The following DPP8 variants were observed in gnomAD, a reference collection of about 807,000 sequenced individuals.
The protein encoded by DPP8 is DPP VIII.
Under a neutral mutation model 107.5 loss-of-function variants are expected in DPP8, and 31 were observed. The observed-to-expected ratio is 0.29, with a 90% CI of 0.22 to 0.39. The LOEUF is 0.39. DPP8 is among the 10% of genes least tolerant of loss of function. The pLI is 1.00. For missense variants in DPP8, 842 were observed against 1,076.1 expected, an observed-to-expected ratio of 0.78 and a Z score of 3.04; for synonymous variants, 381 against 356.6, an observed-to-expected ratio of 1.07 and a Z score of -0.77.
intron 4 of DPP8, among the ~76,000 whole-genome samples, chr15:65,499,006 C>T (rs2068884490): frequency 6.6e-6 from 1 of 151,174 alleles, no homozygotes; most frequent in South Asian, 2.1e-4. Flanking sequence ...TGCAGTGAGC[C>T]ATGATCTTGC....
rs2063479932 is a variant in DPP8, at chr15:65,445,866, G to A, written c.*1018C>T. 6.6e-6 allele frequency: 1 copy of A among 151,624 alleles called. No individual in the cohort carries two copies. Among genetic ancestry groups the A allele is most frequent in the Non-Finnish European group, 1.5e-5 (1 of 67,918 alleles). 9.4% of individuals were successfully genotyped at this position (151,624 alleles called of 1,614,324 possible). Reference sequence around the variant, plus strand: ...TCCAAACATTTTCATGAGTATTTTTGTTAAAACTACTTCTGCTTAGTTTTT... The same window carrying A: ...TCCAAACATTTTCATGAGTATTTTTATTAAAACTACTTCTGCTTAGTTTTT... On this transcript the variant is annotated 3_prime_UTR_variant, in exon 20 of 20. Coordinates refer to ENST00000300141, the MANE Select transcript of DPP8 (RefSeq NM_130434.5).
chr15:65,495,432 C>T (rs1255824004), intron 5 of DPP8, among the ~76,000 whole-genome samples: 1 of 151,826 alleles, frequency 6.6e-6, no homozygotes, highest in Non-Finnish European at 1.5e-5. Context: ...GGTGAAACCC[C>T]GTCCCTACTA....
chr15:65,485,164 T>C lies in DPP8; in HGVS notation c.956-4A>G. ...GTGACTTTAGGATTTGCTGTACCTT[T>C]AGAAAGAGACATAAATGATAGTAAT... is the stretch of plus-strand genomic sequence containing the variant. On this transcript the variant is annotated splice_region_variant and splice_polypyrimidine_tract_variant and intron_variant, in intron 7 of 19. Coordinates refer to ENST00000300141, the MANE Select transcript of DPP8 (RefSeq NM_130434.5). The C allele has an allele frequency of 6.3e-7, 1 of 1,589,868 alleles. No homozygotes were observed. Among genetic ancestry groups the C allele is most frequent in the Non-Finnish European group, 8.6e-7 (1 of 1,158,316 alleles).
chr15:65,515,460 A>G (rs990093070), intron 1 of DPP8, among the ~76,000 whole-genome samples: 1 of 152,204 alleles, frequency 6.6e-6, no homozygotes, highest in African/African-American at 2.4e-5. Flanking sequence ...CTGATATTAT[A>G]TAATATTGGT....
chr15:65,503,915 G>A (rs545756947), intron 3 of DPP8, among the ~76,000 whole-genome samples: 20 of 152,072 alleles, frequency 1.3e-4, no homozygotes, highest in Non-Finnish European at 2.6e-4. Context: ...ATAAGCGACC[G>A]CACCTGGCCT....
intron 7 of DPP8, 141 bp from the exon 8 acceptor site, chr15:65,485,301 T>A: frequency 1.6e-6 from 1 of 613,086 alleles, no homozygotes; most frequent in Non-Finnish European, 2.9e-6. Context: ...CCCAGCACTT[T>A]GGCAGGTTGA....
chr15:65,494,831 C>A (rs1363963341), intron 5 of DPP8, among the ~76,000 whole-genome samples: 2 of 152,042 alleles, frequency 1.3e-5, no homozygotes, highest in African/African-American at 4.8e-5. Context: ...TACTCCATCC[C>A]CTTTTCTCTA....
chr15:65,487,675 A>G lies in DPP8; in HGVS notation c.955+15T>C. ...GAGGAAATGAGTGAATATAAATGCC[A>G]ATGGAGTACAGTACCTGTTTTAGGA... On this transcript the variant is annotated intron_variant, in intron 7 of 19. Coordinates refer to ENST00000300141, the MANE Select transcript of DPP8 (RefSeq NM_130434.5). 1 of 1,598,564 alleles carries G rather than the reference A, an allele frequency of 6.3e-7. No homozygotes were observed. The highest frequency in any genetic ancestry group is 8.5e-7 in the Non-Finnish European group (1 of 1,174,562).
intron 4 of DPP8, among the ~76,000 whole-genome samples, chr15:65,498,482 C>T (rs564973301): frequency 1.3e-5 from 2 of 151,246 alleles, no homozygotes; most frequent in Non-Finnish European, 2.9e-5. Flanking sequence ...CTTTCTATTG[C>T]CTTAACTTAC....
intron 5 of DPP8, among the ~76,000 whole-genome samples, chr15:65,491,123 T>C (rs1243641153): frequency 9.1e-6 from 1 of 109,744 alleles, no homozygotes; most frequent in South Asian, 3.0e-4. Flanking sequence ...ACAACACCAC[T>C]CCCCTCCAGC....
At chr15:65,510,096 T>C (rs997165389) in intron 2 of DPP8, among the ~76,000 whole-genome samples, 1 of 151,926 alleles carries the variant, frequency 6.6e-6, no homozygotes, top group Non-Finnish European at 1.5e-5. Context: ...GGCAGATTGC[T>C]GGAGCTCAGG....
At chr15:65,481,037 TTGCACCAC>T in intron 9 of DPP8, among the ~76,000 whole-genome samples, 1 of 151,992 alleles carries the variant, frequency 6.6e-6, no homozygotes, top group South Asian at 2.1e-4. Flanking sequence ...TGAGCCATGA[TTGCACCAC>T]TGCACTCCAG....
intron 2 of DPP8, among the ~76,000 whole-genome samples, chr15:65,509,258 T>C (rs2070454314): frequency 6.6e-6 from 1 of 152,312 alleles, no homozygotes; most frequent in South Asian, 2.1e-4. Flanking sequence ...TTTTACAAAA[T>C]GTGATCCTTC....
intron 3 of DPP8, among the ~76,000 whole-genome samples, 166 bp downstream of exon 3, chr15:65,507,077 A>C (rs1596128048): frequency 6.6e-6 from 1 of 152,220 alleles, no homozygotes; most frequent in Admixed American, 6.5e-5. Context: ...TCTCAGTTTC[A>C]GATATCAAGA....
chr15:65,498,191 G>A (rs1310934972), intron 4 of DPP8, among the ~76,000 whole-genome samples, 159 bp from the exon 5 acceptor site: 2 of 152,174 alleles, frequency 1.3e-5, no homozygotes, highest in Non-Finnish European at 2.9e-5. Flanking sequence ...GGAGGCCAAG[G>A]CAGGCAGATC....
At chr15:65,473,179 GC>G (rs2066058706) in intron 12 of DPP8, among the ~76,000 whole-genome samples, 1 of 151,876 alleles carries the variant, frequency 6.6e-6, no homozygotes, top group Admixed American at 6.6e-5. Flanking sequence ...ACAAAAATTA[GC>G]CGGGCATGGT....
chr15:65,482,447 A>C (rs1342688053), intron 8 of DPP8, among the ~76,000 whole-genome samples: 2 of 151,948 alleles, frequency 1.3e-5, no homozygotes, highest in Non-Finnish European at 2.9e-5. Context: ...ACGCCCAGCT[A>C]ATTTTTGTAT....
intron 15 of DPP8, 40 bp downstream of exon 15, chr15:65,463,721 G>A (rs531488500): frequency 6.7e-7 from 1 of 1,497,176 alleles, no homozygotes; most frequent in South Asian, 1.2e-5. Flanking sequence ...AAATACATAT[G>A]CATATGGGTG....
intron 13 of DPP8, 105 bp downstream of exon 13, chr15:65,466,966 A>C: frequency 4.1e-6 from 6 of 1,471,614 alleles, no homozygotes; most frequent in Non-Finnish European, 2.8e-6. Flanking sequence ...GCTTTTCCTT[A>C]GAGAATTAGG....
Sources: gnomAD v4.1 joint callset for allele counts (sites outside exome capture counted in the v4.1 genomes callset) on GRCh38, gnomAD v4.1.1 for gene constraint, MANE v1.5 for transcripts, NCBI Gene and HGNC (gene_info 2026-07-23, HGNC 2026-07-21) for gene names.